The following VWC2L variants were observed in gnomAD, a reference collection of about 807,000 sequenced individuals.
The protein encoded by VWC2L is von Willebrand factor C domain containing 2 like, also known as von Willebrand factor C domain-containing protein 2-like.
A neutral mutation model predicts 21.6 loss-of-function variants in VWC2L; 10 were observed. The observed-to-expected ratio is 0.46, with a 90% CI of 0.29 to 0.78. The LOEUF (loss-of-function observed/expected upper bound fraction) is 0.78. Among genes scored for constraint, VWC2L ranks in the 30% least tolerant of loss-of-function variants. VWC2L has a pLI of 0.10. For missense variants in VWC2L, 209 were observed against 277.1 expected, an observed-to-expected ratio of 0.75 and a Z score of 1.74; for synonymous variants, 96 against 94.3, an observed-to-expected ratio of 1.02 and a Z score of -0.10.
At chr2:214,544,385 A>G (rs1447361015) in intron 3 of VWC2L, among the ~76,000 whole-genome samples, 1 of 152,146 alleles carries the variant, frequency 6.6e-6, no homozygotes, top group South Asian at 2.1e-4. Flanking sequence ...CCGGCCACTG[A>G]TAAGTAGCAA....
At chr2:214,561,683 G>A (rs1689974309) in intron 3 of VWC2L, among the ~76,000 whole-genome samples, 1 of 151,498 alleles carries the variant, frequency 6.6e-6, no homozygotes, top group South Asian at 2.1e-4. Context: ...GCTGAACTGG[G>A]AGGATCACCT....
intron 3 of VWC2L, among the ~76,000 whole-genome samples, chr2:214,509,862 CCTCT>C (rs1689027141): frequency 6.6e-6 from 1 of 152,134 alleles, no homozygotes; most frequent in Non-Finnish European, 1.5e-5. Context: ...TTTTAATCAA[CCTCT>C]TTATTATCAA....
intron 2 of VWC2L, among the ~76,000 whole-genome samples, chr2:214,423,206 T>C (rs1702470014): frequency 6.6e-6 from 1 of 152,164 alleles, no homozygotes; most frequent in African/African-American, 2.4e-5. Context: ...AATTTTTCTG[T>C]TTGTAAAAAG....
At position 214,578,513 on chromosome 2, in the gene VWC2L, C is replaced by G. The variant is rs1417692586; in HGVS notation, c.*2693C>G. 6.6e-6 allele frequency: 1 copy of G among 152,194 alleles called. No individual in the cohort carries two copies. The highest frequency in any genetic ancestry group is 2.1e-4 in the South Asian group (1 of 4,832). The allele number at this position is 152,194 out of a possible 1,614,324, so 9.4% of individuals were successfully genotyped here. ...CTGTTTCCTTTAAGATTTTGTAGCA[C>G]TGACATTTTTCCCCCTTTAGGGAGA... On this transcript the variant is annotated 3_prime_UTR_variant, in exon 4 of 4. Coordinates refer to ENST00000312504, the MANE Select transcript of VWC2L (RefSeq NM_001080500.4).
intron 1 of VWC2L, among the ~76,000 whole-genome samples, chr2:214,413,069 A>C (rs1289787804): frequency 2.0e-5 from 3 of 152,080 alleles, no homozygotes; most frequent in African/African-American, 7.2e-5. Flanking sequence ...TGGAGTTTAC[A>C]AGAGTCAGTG....
intron 3 of VWC2L, among the ~76,000 whole-genome samples, chr2:214,480,258 T>C (rs1017850077): frequency 6.6e-6 from 1 of 152,156 alleles, no homozygotes; most frequent in Non-Finnish European, 1.5e-5. Context: ...TGTATGGTAA[T>C]AAAAGAGATA....
chr2:214,459,902 C>CTTTTTT (rs57351904), intron 3 of VWC2L, among the ~76,000 whole-genome samples: 122 of 85,120 alleles, frequency 1.4e-3, no homozygotes, highest in Middle Eastern at 0.013. Flanking sequence ...TTTCCTTTGA[C>CTTTTTT]TTTTTTTTTT....
At chr2:214,445,311 A>T (rs2126182268) in intron 3 of VWC2L, among the ~76,000 whole-genome samples, 1 of 152,052 alleles carries the variant, frequency 6.6e-6, no homozygotes, top group African/African-American at 2.4e-5. Flanking sequence ...TTGTTTGATA[A>T]TAGCAACAAT....
chr2:214,438,709 G>A (rs1262776581), intron 3 of VWC2L, among the ~76,000 whole-genome samples: 1 of 151,986 alleles, frequency 6.6e-6, no homozygotes, highest in Non-Finnish European at 1.5e-5. Flanking sequence ...CACTTAATTT[G>A]ATGTCGCCCA....
intron 2 of VWC2L, among the ~76,000 whole-genome samples, chr2:214,420,012 T>C (rs1702415963): frequency 6.6e-6 from 1 of 152,012 alleles, no homozygotes; most frequent in Non-Finnish European, 1.5e-5. Flanking sequence ...TGAGCAGAGA[T>C]TGCGCCACTG....
intron 3 of VWC2L, among the ~76,000 whole-genome samples, chr2:214,456,867 A>C (rs958826869): frequency 1.3e-5 from 2 of 152,112 alleles, no homozygotes; most frequent in African/African-American, 2.4e-5. Flanking sequence ...ATCTTTGTCA[A>C]ATATCAATTG....
At chr2:214,495,653 T>G (rs1688801040) in intron 3 of VWC2L, among the ~76,000 whole-genome samples, 1 of 152,136 alleles carries the variant, frequency 6.6e-6, no homozygotes, top group Non-Finnish European at 1.5e-5. Context: ...TACCAAAATA[T>G]TCCCACCATC....
intron 2 of VWC2L, among the ~76,000 whole-genome samples, chr2:214,416,234 A>G (rs1243680057): frequency 6.6e-6 from 1 of 152,094 alleles, no homozygotes; most frequent in Non-Finnish European, 1.5e-5. Context: ...TGAAAATGCT[A>G]TAGTTTTCCC....
chr2:214,476,679 A>G (rs560831774), intron 3 of VWC2L, among the ~76,000 whole-genome samples: 24 of 152,342 alleles, frequency 1.6e-4, no homozygotes, highest in African/African-American at 5.5e-4. Context: ...CATTACATCC[A>G]TAATTAGATT....
intron 3 of VWC2L, among the ~76,000 whole-genome samples, chr2:214,467,105 C>A (rs1703228478): frequency 6.6e-6 from 1 of 152,162 alleles, no homozygotes; most frequent in East Asian, 1.9e-4. Context: ...TCAGCATTAC[C>A]AGTACAGCAC....
At chr2:214,420,676 C>A (rs535110775) in intron 2 of VWC2L, among the ~76,000 whole-genome samples, 12 of 152,104 alleles carry the variant, frequency 7.9e-5, no homozygotes, top group Non-Finnish European at 8.8e-5. Flanking sequence ...GTTTTCATTT[C>A]TCAACAAATG....
intron 3 of VWC2L, among the ~76,000 whole-genome samples, chr2:214,552,617 T>C (rs532802029): frequency 6.6e-6 from 1 of 152,346 alleles, no homozygotes; most frequent in South Asian, 2.1e-4. Flanking sequence ...TCTGTAATCA[T>C]TAATTCACAG....
intron 3 of VWC2L, among the ~76,000 whole-genome samples, chr2:214,491,026 G>A (rs1030195377): frequency 8.5e-5 from 13 of 152,148 alleles, no homozygotes; most frequent in South Asian, 2.1e-4. Context: ...AGTTGCCAGG[G>A]GATGGGGGGA....
In VWC2L at chr2:214,555,755, G is replaced by A. The variant is rs79269749; in HGVS notation, c.521-19917G>A. Among the ~76,000 whole-genome samples the A allele has an allele frequency of 4.8e-3, 727 of 152,160 alleles. 4 individuals carry two copies. The highest frequency in any genetic ancestry group is 6.0e-3 in the Non-Finnish European group (406 of 68,008). ...AAAACTAAGATTTCTAAACTCCCTGGAGGCCATCCCCTAGTCTAATAATTG... is the reference window on the plus strand; with the variant it reads ...AAAACTAAGATTTCTAAACTCCCTGAAGGCCATCCCCTAGTCTAATAATTG... On this transcript the variant is annotated intron_variant, in intron 3 of 3. Coordinates refer to ENST00000312504, the MANE Select transcript of VWC2L (RefSeq NM_001080500.4).
Sources: allele counts gnomAD v4.1 joint callset (sites outside exome capture counted in the v4.1 genomes callset), GRCh38; gene constraint gnomAD v4.1.1; transcripts MANE v1.5; gene names NCBI Gene and HGNC (gene_info 2026-07-23, HGNC 2026-07-21).